SLC35F4: variants seen among roughly 807,000 people sequenced by gnomAD.
SLC35F4 encodes the protein chromosome 14 open reading frame 36.
SLC35F4 carries 24 observed loss-of-function variants against 44.2 expected under a neutral mutation model. The observed-to-expected ratio is 0.54, with a 90% confidence interval of 0.39 to 0.76. SLC35F4 has a LOEUF of 0.76. Ranked by LOEUF, SLC35F4 falls within the 30% of genes least tolerant of loss-of-function variation. SLC35F4 has a pLI of 0.00. For missense variants in SLC35F4, 562 were observed against 586.1 expected (o/e 0.96, Z 0.42); for synonymous variants, 238 against 223.6 (o/e 1.06, Z -0.57).
downstream of SLC35F4, among the ~76,000 whole-genome samples, chr14:57,974,885 T>C (rs1881170622): frequency 6.6e-6 from 1 of 152,172 alleles, no homozygotes; most frequent in Non-Finnish European, 1.5e-5. Context: ...ATGGACCATA[T>C]AAAAATATTT....
intron 1 of SLC35F4, among the ~76,000 whole-genome samples, chr14:57,777,774 C>CATAATA (rs755264303): frequency 1.3e-5 from 2 of 151,434 alleles, no homozygotes; most frequent in Admixed American, 1.3e-4. Flanking sequence ...GAACTTAAAG[C>CATAATA]ATAATAATAA....
intron 1 of SLC35F4, among the ~76,000 whole-genome samples, chr14:57,820,844 A>G (rs1883100490): frequency 6.6e-6 from 1 of 152,236 alleles, no homozygotes; most frequent in Admixed American, 6.5e-5. Flanking sequence ...TGGCAAAGAT[A>G]CAGGTATTCT....
chr14:57,731,612 T>C (rs887215234), intron 1 of SLC35F4, among the ~76,000 whole-genome samples: 1 of 152,246 alleles, frequency 6.6e-6, no homozygotes, highest in African/African-American at 2.4e-5. Flanking sequence ...TGAGACTTTG[T>C]ACCTGTCTCT....
At chr14:57,604,419 A>G (rs1377230897) in intron 1 of SLC35F4, among the ~76,000 whole-genome samples, 1 of 152,182 alleles carries the variant, frequency 6.6e-6, no homozygotes, top group Non-Finnish European at 1.5e-5. Flanking sequence ...GATCTCTACA[A>G]GGAGAATTAT....
At chr14:57,717,098 C>A (rs1329788766) in intron 1 of SLC35F4, among the ~76,000 whole-genome samples, 2 of 151,998 alleles carry the variant, frequency 1.3e-5, no homozygotes, top group South Asian at 4.1e-4. Context: ...TTTCATTATC[C>A]TTTTATGTAG....
intron 1 of SLC35F4, among the ~76,000 whole-genome samples, chr14:57,915,614 C>T (rs78181434): frequency 0.14 from 21,156 of 152,136 alleles, 1,632 homozygotes; most frequent in Middle Eastern, 0.2. Flanking sequence ...TAAATTCTAC[C>T]TTCCATAAAG....
At chr14:57,870,156 G>GTC (rs1555399100), upstream of SLC35F4, among the ~76,000 whole-genome samples, 192 of 150,958 alleles carry the variant, frequency 1.3e-3, no homozygotes, top group African/African-American at 4.3e-3. Flanking sequence ...GTGTGTGTGT[G>GTC]TCTGTGTCTC....
At chr14:57,687,793 T>G (rs2075110419) in intron 1 of SLC35F4, among the ~76,000 whole-genome samples, 1 of 152,144 alleles carries the variant, frequency 6.6e-6, no homozygotes, top group Non-Finnish European at 1.5e-5. Context: ...TTCCTTTATT[T>G]GCAAAAAGAA....
intron 1 of SLC35F4, among the ~76,000 whole-genome samples, chr14:57,730,213 C>CT (rs2076310701): frequency 6.6e-6 from 1 of 152,020 alleles, no homozygotes; most frequent in African/African-American, 2.4e-5. Flanking sequence ...TGTGAAAGTA[C>CT]TTTTTTTTGT....
upstream of SLC35F4, among the ~76,000 whole-genome samples, chr14:57,866,263 C>T (rs899279356): frequency 6.6e-6 from 1 of 152,118 alleles, no homozygotes; most frequent in Non-Finnish European, 1.5e-5. Context: ...GAGAAGGCGA[C>T]GGTGGCCAGG....
intron 1 of SLC35F4, among the ~76,000 whole-genome samples, chr14:57,709,166 C>T (rs528036403): frequency 1.3e-5 from 2 of 152,146 alleles, no homozygotes; most frequent in East Asian, 3.9e-4. Context: ...CTAGACTCCC[C>T]CAGGGAAAGG....
At position 57,774,881 on chromosome 14, in the gene SLC35F4, C is replaced by A. The variant is rs530610570; in HGVS notation, c.103+90842G>T. On this transcript the variant is annotated intron_variant, in intron 1 of 7. Transcript: ENST00000556826. ...ATCTTGCCTTCCCTTCCTGCCAGCA[C>A]GTTTGTGCATGTGCACCACGACAAG... Among the ~76,000 whole-genome samples the A allele has an allele frequency of 2.0e-5, 3 of 152,320 alleles. No homozygotes were observed. In the South Asian group the frequency reaches 6.2e-4, roughly 32 times the overall value.
chr14:57,640,031 C>G (rs541093452), intron 1 of SLC35F4, among the ~76,000 whole-genome samples: 1 of 152,154 alleles, frequency 6.6e-6, no homozygotes, highest in East Asian at 1.9e-4. Context: ...CTCCTCTCCT[C>G]TCAATATAAT....
intron 1 of SLC35F4, among the ~76,000 whole-genome samples, chr14:57,922,836 T>G (rs550393661): frequency 1.2e-4 from 19 of 152,362 alleles, no homozygotes; most frequent in African/African-American, 4.1e-4. Context: ...AGTTCCCTTC[T>G]TCCTCTAACA....
intron 1 of SLC35F4, among the ~76,000 whole-genome samples, chr14:57,892,696 T>G (rs1888795297): frequency 6.6e-6 from 1 of 152,206 alleles, no homozygotes; most frequent in African/African-American, 2.4e-5. Flanking sequence ...TGACTTGGAT[T>G]AGCACCTTAA....
At chr14:57,868,478 ATTTTTT>A (rs35866620), upstream of SLC35F4, among the ~76,000 whole-genome samples, 2 of 145,820 alleles carry the variant, frequency 1.4e-5, no homozygotes, top group African/African-American at 5.0e-5. Context: ...AGAAAGGATA[ATTTTTT>A]TTTTTTTTTG....
intron 1 of SLC35F4, among the ~76,000 whole-genome samples, chr14:57,714,477 C>A (rs1028749998): frequency 1.2e-4 from 18 of 152,076 alleles, no homozygotes; most frequent in African/African-American, 4.3e-4. Context: ...TATTTGTTGA[C>A]TTTTCCTACA....
intron 6 of SLC35F4, among the ~76,000 whole-genome samples, chr14:57,568,899 T>C (rs759542127): frequency 8.1e-4 from 123 of 152,088 alleles, no homozygotes; most frequent in Non-Finnish European, 1.3e-3. Context: ...GGATGAGGGA[T>C]GAGCAACAAC....
chr14:57,691,424 G>A (rs1330383398), intron 1 of SLC35F4, among the ~76,000 whole-genome samples: 6 of 152,080 alleles, frequency 3.9e-5, no homozygotes, highest in Non-Finnish European at 2.9e-5. Context: ...ATCCAAAACT[G>A]GTATCAGGGC....
Sources: gnomAD v4.1 joint callset for allele counts (sites outside exome capture counted in the v4.1 genomes callset) on GRCh38, gnomAD v4.1.1 for gene constraint, MANE v1.5 for transcripts, NCBI Gene and HGNC (gene_info 2026-07-23, HGNC 2026-07-21) for gene names.